DDX27: variants seen among roughly 807,000 people sequenced by gnomAD.
DDX27 encodes DEAD-box helicase 27, also known as probable ATP-dependent RNA helicase DDX27.
DDX27 carries 42 observed loss-of-function variants against 99.3 expected under a neutral mutation model. The ratio of observed to expected loss-of-function variants is 0.42; its 90% confidence interval spans 0.33 to 0.55. The LOEUF is 0.55. Among genes scored for constraint, DDX27 ranks in the 20% least tolerant of loss-of-function variants. The pLI, the probability that DDX27 is intolerant of heterozygous loss-of-function variation, is 0.07. For synonymous variants in DDX27, 329 were observed against 353.8 expected (o/e 0.93, Z 0.79); for missense variants, 798 against 976.8 (o/e 0.82, Z 2.44).
At chr20:49,242,042 G>C in intron 17 of DDX27, 41 bp from the exon 18 acceptor site, 1 of 1,614,112 alleles carries the variant, frequency 6.2e-7, no homozygotes, top group South Asian at 1.1e-5. Context: ...GGTCAGAGTG[G>C]CCTGGTGTGT....
intron 9 of DDX27, among the ~76,000 whole-genome samples, chr20:49,232,486 G>A (rs185940721): frequency 4.0e-5 from 6 of 151,768 alleles, no homozygotes; most frequent in South Asian, 2.1e-4. Flanking sequence ...AAAATTAGCC[G>A]GGTGCGGTGG....
At chr20:49,234,712 C>A in intron 11 of DDX27, 1 of 459,782 alleles carries the variant, frequency 2.2e-6, no homozygotes, top group East Asian at 3.6e-5. Flanking sequence ...GAGGCCAGCC[C>A]TTAGCTGCTT....
At chr20:49,224,875 A>G in intron 4 of DDX27, 70 bp from the exon 5 acceptor site, 1 of 1,564,192 alleles carries the variant, frequency 6.4e-7, no homozygotes, top group Non-Finnish European at 8.8e-7. Context: ...GGCACTTAGG[A>G]CAGTGTCCAG....
At chr20:49,227,837 AATTTTT>A (rs1262606521) in intron 7 of DDX27, among the ~76,000 whole-genome samples, 2 of 110,730 alleles carry the variant, frequency 1.8e-5, no homozygotes, top group Admixed American at 2.0e-4. Context: ...CAGAGGAGGA[AATTTTT>A]TTTTTTTTTT....
chr20:49,231,322 C>T (rs1375878454), intron 9 of DDX27, among the ~76,000 whole-genome samples: 2 of 152,146 alleles, frequency 1.3e-5, no homozygotes, highest in South Asian at 2.1e-4. Flanking sequence ...ATATAGCAGG[C>T]GCTCAGTAAA....
intron 14 of DDX27, among the ~76,000 whole-genome samples, chr20:49,237,182 T>C (rs1980335161): frequency 6.6e-6 from 1 of 151,884 alleles, no homozygotes; most frequent in Non-Finnish European, 1.5e-5. Flanking sequence ...AAAAAAAAAT[T>C]AGCTGGGCAT....
chr20:49,242,655 G>C lies in DDX27; in HGVS notation c.2178G>C (p.Lys726Asn), dbSNP rs772052675. The C allele has an allele frequency of 1.2e-6, 2 of 1,613,872 alleles. No homozygotes were observed. Among genetic ancestry groups the C allele is most frequent in the Non-Finnish European group, 8.5e-7 (1 of 1,179,910 alleles). The part of the protein sequence containing the change: ...VFDEELTNTS[K>N]KALKQYRAGP... ...ATGAAGAACTCACCAACACAAGCAA[G>C]AAGGCCCTGAAACAGTATCGAGCTG... The change falls in exon 19 of 21, where the codon AAG becomes AAC. Residue 726 changes from lysine (K) to asparagine (N), a missense_variant. By Grantham distance (94) the Lys-to-Asn change is moderately conservative. Coordinates refer to ENST00000618172, the MANE Select transcript of DDX27 (RefSeq NM_017895.8).
At chr20:49,241,597 C>T (rs887296190) in intron 16 of DDX27, among the ~76,000 whole-genome samples, 3 of 151,880 alleles carry the variant, frequency 2.0e-5, no homozygotes, top group Non-Finnish European at 4.4e-5. Context: ...CTCAGCCTCC[C>T]AAGTAGCTGG....
intron 11 of DDX27, 99 bp downstream of exon 11, chr20:49,233,808 G>T (rs147675656): frequency 7.2e-6 from 10 of 1,384,630 alleles, no homozygotes; most frequent in Non-Finnish European, 9.9e-6. Flanking sequence ...CGCCTCTGCC[G>T]TCCAGTCTTC....
In DDX27 at chr20:49,242,165, G is replaced by A. The variant is rs200893142; in HGVS notation, c.2075G>A (p.Arg692Gln). 135 of 1,614,178 alleles carry A rather than the reference G, an allele frequency of 8.4e-5. No homozygotes were observed. The Admixed American group carries it at 1.6e-3, about 20-fold the overall frequency. The stretch of plus-strand genomic sequence containing the variant: ...GCGAAGAGGAATCGCAGAGCCAAGC[G>A]GGCCCGAGCAATGCCCGAGGAGGAG... ...RLAKRNRRAK[R>Q]ARAMPEEEPV... is the part of the protein sequence containing the mutation. Residue 692 changes from arginine (R) to glutamine (Q), a missense_variant, in exon 18 of 21, where the codon CGG (arginine) becomes CAG (glutamine). Around this residue, in one of 2 missense-constraint regions of DDX27, gnomAD observed 553 missense variants for 727.9 expected, o/e 0.76. Transcript: ENST00000618172.
chr20:49,235,036 G>A lies in DDX27; in HGVS notation c.1375G>A (p.Val459Met), dbSNP rs764556572. The change falls in exon 12 of 21, where the codon GTG becomes ATG. Residue 459 changes from valine to methionine, a missense_variant. Physicochemically the swap from Val to Met is conservative, Grantham distance 21. Coordinates refer to ENST00000618172, the MANE Select transcript of DDX27 (RefSeq NM_017895.8). ...CCTCCTGGGGCTCATGGGGCTGCAG[G>A]TGGGTGAGCTCCATGGCAACTTGTC... ...HILLGLMGLQ[V>M]GELHGNLSQT... 6.2e-7 allele frequency: 1 copy of A among 1,613,370 alleles called. No individual in the cohort carries two copies. Among genetic ancestry groups the A allele is most frequent in the Non-Finnish European group, 8.5e-7 (1 of 1,179,732 alleles).
At chr20:49,233,225 C>T (rs1293532762) in intron 9 of DDX27, 81 bp from the exon 10 acceptor site, 15 of 940,650 alleles carry the variant, frequency 1.6e-5, no homozygotes, top group Non-Finnish European at 2.2e-5. Context: ...CAACAAACAG[C>T]AGCCGGTATG....
intron 7 of DDX27, 106 bp from the exon 8 acceptor site, chr20:49,228,609 C>G (rs1409162262): frequency 8.9e-7 from 1 of 1,124,042 alleles, no homozygotes; most frequent in Non-Finnish European, 1.2e-6. Flanking sequence ...AAATAAGTTC[C>G]TTTATTTTCC....
In DDX27 at chr20:49,223,661, G is replaced by A. The variant is rs934192704; in HGVS notation, c.466+228G>A. On this transcript the variant is annotated intron_variant, in intron 4 of 20. Coordinates refer to ENST00000618172, the MANE Select transcript of DDX27 (RefSeq NM_017895.8). ...TTTGGGAGGCTGAGGTGGGTGTATC[G>A]CTTGAAGCCAGGAGTTTGAGACCAG... Among the ~76,000 whole-genome samples, 3 of 150,988 alleles carry A rather than the reference G, an allele frequency of 2.0e-5. No homozygotes were observed. In the South Asian group the frequency reaches 6.3e-4, roughly 32 times the overall value.
At chr20:49,223,167 C>A (rs1184981711) in intron 3 of DDX27, 101 bp from the exon 4 acceptor site, 1 of 1,399,576 alleles carries the variant, frequency 7.1e-7, no homozygotes. Context: ...TACTGAGAAT[C>A]CCCACAGCCG....
chr20:49,228,891 G>A lies in DDX27; in HGVS notation c.880+3G>A. The A allele has an allele frequency of 8.8e-6, 14 of 1,584,720 alleles. No individual in the cohort carries two copies. Among genetic ancestry groups the A allele is most frequent in the Non-Finnish European group, 1.2e-5 (14 of 1,160,334 alleles). On this transcript the variant is annotated splice_donor_region_variant and intron_variant, in intron 8 of 20. Coordinates refer to ENST00000618172, the MANE Select transcript of DDX27 (RefSeq NM_017895.8). ...CATCACCACCTGCCTGGCTGTGGGT[G>A]AGTTTCTGGCCAAGGGCTGCCAGCC...
chr20:49,233,435 G>T, intron 10 of DDX27, 30 bp downstream of exon 10: 1 of 1,610,662 alleles, frequency 6.2e-7, no homozygotes, highest in South Asian at 1.1e-5. Flanking sequence ...TGTGGCGGGT[G>T]GCAGGTGTGC....
chr20:49,243,654 T>C lies in DDX27; in HGVS notation c.2230T>C (p.Leu744=), dbSNP rs752552625. Residue 744 remains leucine, a synonymous_variant, in exon 20 of 21, where the codon TTG becomes CTG. Coordinates refer to ENST00000618172, the MANE Select transcript of DDX27 (RefSeq NM_017895.8). ...AGPSFEERKQ[L]GLPHQRRGGN... ...CCCTTCCTTTGAAGAAAGGAAACAGTTGGGCTTGCCCCACCAGAGACGAGG... is the reference window on the plus strand; with the variant it reads ...CCCTTCCTTTGAAGAAAGGAAACAGCTGGGCTTGCCCCACCAGAGACGAGG... The C allele has an allele frequency of 6.2e-7, 1 of 1,614,228 alleles. No individual in the cohort carries two copies. Among genetic ancestry groups the C allele is most frequent in the South Asian group, 1.1e-5 (1 of 91,084 alleles).
At chr20:49,239,438 A>G (rs1346487573) in intron 16 of DDX27, 100 bp downstream of exon 16, 32 of 795,626 alleles carry the variant, frequency 4.0e-5, no homozygotes, top group South Asian at 1.8e-5. Context: ...GCGGTCCCCA[A>G]CCTTTCGGCA....
Sources: allele counts gnomAD v4.1 joint callset (sites outside exome capture counted in the v4.1 genomes callset), GRCh38; gene constraint gnomAD v4.1.1; regional missense constraint gnomAD v4.1.1; transcripts MANE v1.5; gene names NCBI Gene and HGNC (gene_info 2026-07-23, HGNC 2026-07-21).